The following SLC39A8 variants were observed in gnomAD, a reference collection of about 807,000 sequenced individuals.
SLC39A8 encodes solute carrier family 39 member 8.
SLC39A8 carries 15 observed loss-of-function variants against 40.4 expected under a neutral mutation model. The ratio of observed to expected loss-of-function variants is 0.37; its 90% CI spans 0.25 to 0.57. The LOEUF (loss-of-function observed/expected upper bound fraction) is 0.57, where lower values mean the gene tolerates loss of function less well. Among genes scored for constraint, SLC39A8 ranks in the 20% least tolerant of loss-of-function variants. SLC39A8 has a pLI of 0.75. For synonymous variants in SLC39A8, 223 were observed against 221.6 expected, an observed-to-expected ratio of 1.01 and a Z score of -0.06; for missense variants, 472 against 558.8, an observed-to-expected ratio of 0.84 and a Z score of 1.57.
intron 6 of SLC39A8, among the ~76,000 whole-genome samples, chr4:102,285,787 C>G (rs1326411461): frequency 6.6e-6 from 1 of 152,044 alleles, no homozygotes; most frequent in Non-Finnish European, 1.5e-5. Context: ...AGAATCCTTA[C>G]TTTGAATATA....
At chr4:102,258,011 G>T (rs115980427), downstream of SLC39A8, among the ~76,000 whole-genome samples, 5,889 of 152,254 alleles carry the variant, frequency 0.039, 197 homozygotes, top group Non-Finnish European at 0.057. Flanking sequence ...GCATCCCTGA[G>T]CATGGGGTTC....
At chr4:102,304,830 A>T (rs1168316884) in intron 5 of SLC39A8, among the ~76,000 whole-genome samples, 159 bp downstream of exon 5, 1 of 151,822 alleles carries the variant, frequency 6.6e-6, no homozygotes, top group Non-Finnish European at 1.5e-5. Context: ...TATTTATCTT[A>T]TACTTGTCAA....
intron 2 of SLC39A8, among the ~76,000 whole-genome samples, chr4:102,328,119 G>A (rs1475119924): frequency 6.6e-6 from 1 of 152,022 alleles, no homozygotes; most frequent in African/African-American, 2.4e-5. Context: ...ATGGCCCATG[G>A]GTTAAATTTT....
Position 102,307,458 on chromosome 4 carries a change from G to C in SLC39A8, c.530C>G (p.Ala177Gly), listed in dbSNP as rs1421714609. 1.1e-5 allele frequency: 18 copies of C among 1,612,996 alleles called. No individual in the cohort carries two copies. The highest frequency in any genetic ancestry group is 1.5e-5 in the Non-Finnish European group (18 of 1,179,520). The stretch of plus-strand genomic sequence containing the variant: ...TACCTCTGGAATAAGTTGGAAAATT[G>C]CATTTGAAAAAAGAGTCCCAATAGC... ...GLAIGTLFSN[A>G]IFQLIPEAFG... The change falls in exon 4 of 9, where the codon GCA becomes GGA. Residue 177 changes from alanine to glycine, a missense_variant. By Grantham distance (60) the Ala-to-Gly change is moderately conservative. Around this residue, in one of 4 missense-constraint regions of SLC39A8, gnomAD observed 239 missense variants for 317.9 expected, o/e 0.75. Transcript: ENST00000356736.
chr4:102,300,619 G>T (rs1466321430), intron 6 of SLC39A8, among the ~76,000 whole-genome samples: 1 of 151,824 alleles, frequency 6.6e-6, no homozygotes, highest in Non-Finnish European at 1.5e-5. Context: ...GTAATTTTTA[G>T]AGAGTTCCTT....
At chr4:102,280,008 G>T (rs759681221) in intron 6 of SLC39A8, among the ~76,000 whole-genome samples, 1 of 152,166 alleles carries the variant, frequency 6.6e-6, no homozygotes, top group Non-Finnish European at 1.5e-5. Flanking sequence ...ATGTCCAGGT[G>T]CTCAGCAGGT....
At chr4:102,297,011 A>T (rs927641491) in intron 6 of SLC39A8, among the ~76,000 whole-genome samples, 7 of 152,122 alleles carry the variant, frequency 4.6e-5, no homozygotes, top group African/African-American at 1.7e-4. Flanking sequence ...GAGTGGGAGC[A>T]TTGCTTGAGC....
chr4:102,269,443 G>A (rs1375945371), intron 6 of SLC39A8, among the ~76,000 whole-genome samples: 4 of 152,146 alleles, frequency 2.6e-5, no homozygotes, highest in African/African-American at 4.8e-5. Context: ...GTTAGTAATA[G>A]GATTCATCAT....
intron 6 of SLC39A8, among the ~76,000 whole-genome samples, chr4:102,301,912 C>T (rs1006879272): frequency 6.6e-6 from 1 of 151,990 alleles, no homozygotes; most frequent in Non-Finnish European, 1.5e-5. Context: ...TATAAATATG[C>T]CTATCAGCTC....
At chr4:102,337,789 T>G (rs1220455579) in intron 2 of SLC39A8, among the ~76,000 whole-genome samples, 1 of 152,224 alleles carries the variant, frequency 6.6e-6, no homozygotes, top group Non-Finnish European at 1.5e-5. Context: ...ATACTAGACA[T>G]GCCTGAAGTC....
At chr4:102,257,294 G>T (rs1731729835), downstream of SLC39A8, among the ~76,000 whole-genome samples, 2 of 152,022 alleles carry the variant, frequency 1.3e-5, no homozygotes, top group South Asian at 4.2e-4. Context: ...GGGATTACAG[G>T]TGTCCGCCAC....
At chr4:102,334,567 G>A (rs191758512) in intron 2 of SLC39A8, among the ~76,000 whole-genome samples, 2 of 152,268 alleles carry the variant, frequency 1.3e-5, no homozygotes, top group African/African-American at 2.4e-5. Context: ...AAACAAGAGG[G>A]GAACATCAGC....
intron 2 of SLC39A8, among the ~76,000 whole-genome samples, chr4:102,340,847 A>G (rs1025213341): frequency 1.4e-4 from 22 of 152,206 alleles, no homozygotes; most frequent in South Asian, 6.2e-4. Flanking sequence ...AACTGGGCTT[A>G]AGAGAGTAGA....
intron 2 of SLC39A8, among the ~76,000 whole-genome samples, chr4:102,321,751 T>C (rs969102858): frequency 1.3e-5 from 2 of 152,198 alleles, no homozygotes; most frequent in African/African-American, 4.8e-5. Flanking sequence ...GGACCCCAAA[T>C]GCAAATGATT....
At chr4:102,300,795 T>A (rs536591591) in intron 6 of SLC39A8, among the ~76,000 whole-genome samples, 404 of 151,936 alleles carry the variant, frequency 2.7e-3, no homozygotes, top group Non-Finnish European at 4.6e-3. Flanking sequence ...ATATAAAATA[T>A]TAGAAAGTAT....
At chr4:102,334,719 G>T (rs1735597994) in intron 2 of SLC39A8, among the ~76,000 whole-genome samples, 2 of 152,182 alleles carry the variant, frequency 1.3e-5, no homozygotes, top group Non-Finnish European at 2.9e-5. Context: ...CCTTCTGTGG[G>T]ATGATACTCT....
At chr4:102,334,773 C>A (rs1026340410) in intron 2 of SLC39A8, among the ~76,000 whole-genome samples, 26 of 152,254 alleles carry the variant, frequency 1.7e-4, no homozygotes, top group Admixed American at 8.5e-4. Flanking sequence ...GTTATAGAAT[C>A]CAGTCACCCT....
At chr4:102,267,459 T>C (rs1409116582) in intron 8 of SLC39A8, 31 bp downstream of exon 8, 1 of 1,551,918 alleles carries the variant, frequency 6.4e-7, no homozygotes, top group Non-Finnish European at 8.7e-7. Flanking sequence ...AATTTTAAAT[T>C]AAAAGAAAAT....
At chr4:102,339,439 A>G (rs1421742210) in intron 2 of SLC39A8, among the ~76,000 whole-genome samples, 1 of 152,192 alleles carries the variant, frequency 6.6e-6, no homozygotes, top group East Asian at 1.9e-4. Flanking sequence ...GCAGTAGATG[A>G]CAACAGGCAA....
Sources: allele counts gnomAD v4.1 joint callset (sites outside exome capture counted in the v4.1 genomes callset), GRCh38; gene constraint gnomAD v4.1.1; regional missense constraint gnomAD v4.1.1; transcripts MANE v1.5; gene names NCBI Gene and HGNC (gene_info 2026-07-23, HGNC 2026-07-21).